ENTPD1: variants seen among roughly 807,000 people sequenced by gnomAD.
The protein encoded by ENTPD1 is ATP diphosphohydrolase.
A neutral mutation model predicts 57.0 loss-of-function variants in ENTPD1; 33 were observed. The ratio of observed to expected loss-of-function variants is 0.58; its 90% CI spans 0.44 to 0.77. The LOEUF is 0.77. Ranked by LOEUF, ENTPD1 falls within the 30% of genes least tolerant of loss-of-function variation. The pLI, the probability that ENTPD1 is intolerant of heterozygous loss-of-function variation, is 0.00. For missense variants in ENTPD1, 501 were observed against 603.4 expected (o/e 0.83, Z 1.78); for synonymous variants, 202 against 218.8 (o/e 0.92, Z 0.68).
At chr10:95,792,624 G>GT (rs1308475891) in intron 1 of ENTPD1, among the ~76,000 whole-genome samples, 1 of 152,172 alleles carries the variant, frequency 6.6e-6, no homozygotes, top group Non-Finnish European at 1.5e-5. Flanking sequence ...AAATTAGGCT[G>GT]TTGCCTCTCT....
rs148653547 is a variant in ENTPD1, at chr10:95,738,726, C to T, written c.37+26733C>T. Among the ~76,000 whole-genome samples the T allele has an allele frequency of 2.4e-3, 369 of 152,262 alleles. 7 individuals carry two copies. The highest frequency in any genetic ancestry group is 5.7e-4 in the Non-Finnish European group (39 of 68,022). ...AAGATGAGAAAAGAGATCTAATTTACACTTTTTAAAATGACAATTAGAGGG... is the reference window on the plus strand; with the variant it reads ...AAGATGAGAAAAGAGATCTAATTTATACTTTTTAAAATGACAATTAGAGGG... On this transcript the variant is annotated intron_variant, in intron 1 of 9. Coordinates refer to the ENTPD1 transcript ENST00000453258.
At chr10:95,864,355 G>A (rs1362684579) in intron 8 of ENTPD1, among the ~76,000 whole-genome samples, 1 of 152,138 alleles carries the variant, frequency 6.6e-6, no homozygotes, top group East Asian at 1.9e-4. Flanking sequence ...TTATGGCTGT[G>A]GGCCAAAGGC....
chr10:95,779,720 T>G (rs1416369213), intron 1 of ENTPD1, among the ~76,000 whole-genome samples: 6 of 152,168 alleles, frequency 3.9e-5, no homozygotes, highest in Admixed American at 2.6e-4. Flanking sequence ...CATTTTCACT[T>G]AACCTTAGCT....
intron 1 of ENTPD1, among the ~76,000 whole-genome samples, chr10:95,785,740 T>A (rs1030226700): frequency 1.2e-4 from 18 of 152,236 alleles, no homozygotes; most frequent in African/African-American, 3.9e-4. Flanking sequence ...GACAGGCTTG[T>A]CCTCAAATTC....
At chr10:95,696,481 T>C in the ENTPD1 span, among the ~76,000 whole-genome samples, 8 of 152,244 alleles carry the variant, frequency 5.3e-5, no homozygotes, top group African/African-American at 1.9e-4. Context: ...AGTTTCACCA[T>C]GTTGGCTAAG....
intron 1 of ENTPD1, among the ~76,000 whole-genome samples, chr10:95,815,592 G>T (rs2098327313): frequency 6.6e-6 from 1 of 152,166 alleles, no homozygotes; most frequent in Non-Finnish European, 1.5e-5. Context: ...TGTATTGTAG[G>T]GTAGGGTGCT....
intron 1 of ENTPD1, among the ~76,000 whole-genome samples, chr10:95,798,962 C>T (rs2098237500): frequency 6.6e-6 from 1 of 152,178 alleles, no homozygotes; most frequent in South Asian, 2.1e-4. Context: ...ACAGATTTTG[C>T]TGAATATGTG....
At chr10:95,777,301 T>C (rs369293142) in intron 1 of ENTPD1, among the ~76,000 whole-genome samples, 136 of 152,340 alleles carry the variant, frequency 8.9e-4, no homozygotes, top group African/African-American at 3.0e-3. Flanking sequence ...GTTGGTGACC[T>C]ACAGATGGGG....
chr10:95,855,436 AT>A (rs1267674944), intron 7 of ENTPD1, among the ~76,000 whole-genome samples: 2 of 151,808 alleles, frequency 1.3e-5, no homozygotes, highest in African/African-American at 4.8e-5. Flanking sequence ...GCCCATTTAC[AT>A]TTAAGGTTAA....
intron 1 of ENTPD1, among the ~76,000 whole-genome samples, chr10:95,741,661 T>C (rs1055971485): frequency 6.6e-6 from 1 of 152,024 alleles, no homozygotes; most frequent in Admixed American, 6.6e-5. Flanking sequence ...ATATGAAAAA[T>C]CAGCAGTGTG....
Position 95,871,791 on chromosome 10 carries a change from G to C in ENTPD1, c.*5408G>C, listed in dbSNP as rs1277495956. On this transcript the variant is annotated 3_prime_UTR_variant, in exon 10 of 10. Transcript: ENST00000371205. ...GTTTTTATAACCCCTTTGCATGTAT[G>C]TTGAATAGCAAAGTTCATCAGAGAA... 2 of 985,354 alleles carry C rather than the reference G, an allele frequency of 2.0e-6. No individual in the cohort carries two copies. The highest frequency in any genetic ancestry group is 3.5e-5 in the African/African-American group (2 of 57,254). 61.0% of individuals were successfully genotyped at this position (985,354 alleles called of 1,614,324 possible).
intron 2 of ENTPD1, 49 bp downstream of exon 2, chr10:95,823,413 G>C: frequency 6.2e-7 from 1 of 1,611,582 alleles, no homozygotes; most frequent in Non-Finnish European, 8.5e-7. Flanking sequence ...AGGAGATCTG[G>C]GTGGGACAGG....
chr10:95,825,107 A>C (rs1374708157), intron 2 of ENTPD1, among the ~76,000 whole-genome samples: 1 of 152,210 alleles, frequency 6.6e-6, no homozygotes, highest in Non-Finnish European at 1.5e-5. Flanking sequence ...GCAGCTCTTT[A>C]AGCTTGTCAA....
At chr10:95,762,388 C>A (rs2098068705) in intron 1 of ENTPD1, among the ~76,000 whole-genome samples, 1 of 136,782 alleles carries the variant, frequency 7.3e-6, no homozygotes, top group South Asian at 2.3e-4. Context: ...CATTTCCTGG[C>A]AGTTTTTTTT....
At chr10:95,732,304 T>C (rs1198053829) in intron 1 of ENTPD1, among the ~76,000 whole-genome samples, 1 of 152,130 alleles carries the variant, frequency 6.6e-6, no homozygotes, top group African/African-American at 2.4e-5. Flanking sequence ...GTATTCTTCA[T>C]GGAGGCAAAG....
At chr10:95,745,593 T>C (rs976848419) in intron 1 of ENTPD1, among the ~76,000 whole-genome samples, 1 of 152,176 alleles carries the variant, frequency 6.6e-6, no homozygotes, top group African/African-American at 2.4e-5. Context: ...TTAAAGGGGA[T>C]ATTTCAACAG....
At chr10:95,694,295 A>AT in the ENTPD1 span, among the ~76,000 whole-genome samples, 2 of 151,694 alleles carry the variant, frequency 1.3e-5, no homozygotes, top group Non-Finnish European at 2.9e-5. Context: ...AGAATTGCAA[A>AT]TTTTTTTTCA....
intron 1 of ENTPD1, among the ~76,000 whole-genome samples, chr10:95,728,089 TAACTATTGA>T (rs1470298443): frequency 2.6e-5 from 4 of 152,214 alleles, no homozygotes; most frequent in African/African-American, 9.6e-5. Flanking sequence ...TTAGGCTATC[TAACTATTGA>T]ATTTGTTTCA....
At chr10:95,856,095 T>A (rs2098454186) in intron 7 of ENTPD1, among the ~76,000 whole-genome samples, 1 of 152,216 alleles carries the variant, frequency 6.6e-6, no homozygotes. Context: ...AGATTTGGTC[T>A]TTTCACATAA....
Sources: gnomAD v4.1 joint callset for allele counts (sites outside exome capture counted in the v4.1 genomes callset) on GRCh38, gnomAD v4.1.1 for gene constraint, MANE v1.5 for transcripts, NCBI Gene and HGNC (gene_info 2026-07-23, HGNC 2026-07-21) for gene names.